UPF1: variants seen among roughly 807,000 people sequenced by gnomAD.
UPF1 encodes the protein regulator of nonsense transcripts 1.
In UPF1, 9 loss-of-function variants were observed where a neutral mutation model predicts 129.2. That is an observed-to-expected ratio of 0.07 (90% CI 0.04 to 0.12). UPF1 has a LOEUF of 0.12. UPF1 is among the 10% of genes least tolerant of loss of function. The pLI is 1.00. For missense variants in UPF1, 788 were observed against 1,525.3 expected (o/e 0.52, Z 8.05); for synonymous variants, 649 against 644.9 (o/e 1.01, Z -0.10).
intron 11 of UPF1, chr19:18,855,473 G>C (rs1271873672): frequency 6.6e-6 from 4 of 603,384 alleles, no homozygotes; most frequent in Admixed American, 6.1e-5. Flanking sequence ...GGGGGCAGGG[G>C]GGGCATGGCT....
At chr19:18,852,624 G>A (rs1319335081) in intron 6 of UPF1, among the ~76,000 whole-genome samples, 2 of 151,540 alleles carry the variant, frequency 1.3e-5, no homozygotes, top group Admixed American at 1.3e-4. Context: ...GCCCTGGAGC[G>A]CTGACCTCCC....
intron 1 of UPF1, among the ~76,000 whole-genome samples, chr19:18,835,226 C>G (rs2145929103): frequency 6.6e-6 from 1 of 152,296 alleles, no homozygotes; most frequent in Admixed American, 6.5e-5. Context: ...TCCTTTCACT[C>G]TGCGTGATGT....
intron 3 of UPF1, chr19:18,848,147 TG>T: frequency 3.1e-6 from 1 of 324,606 alleles, no homozygotes; most frequent in East Asian, 7.4e-5. Flanking sequence ...AACGGGAGGA[TG>T]TTCCCAAGGC....
In UPF1 at chr19:18,832,217, T is replaced by C; in HGVS notation, c.8T>C (p.Val3Ala). The change falls in exon 1 of 24, where the codon GTG (valine) becomes GCG (alanine). Residue 3 changes from valine to alanine, a missense_variant. Coordinates refer to ENST00000262803, the MANE Select transcript of UPF1 (RefSeq NM_002911.4). The surrounding 1 kb of genome is among the most constrained non-coding windows in gnomAD (Gnocchi z 5.6). The stretch of plus-strand genomic sequence containing the variant: ...GCCCTACCCGGAGGCACCATGAGCG[T>C]GGAGGCGTACGGGCCCAGCTCGCAG... MS[V>A]EAYGPSSQTL... 7 of 1,542,668 alleles carry C rather than the reference T, an allele frequency of 4.5e-6. No homozygotes were observed. The highest frequency in any genetic ancestry group is 6.1e-6 in the Non-Finnish European group (7 of 1,143,944).
rs536785242 is a variant in UPF1, at chr19:18,851,088, A to G, written c.810+220A>G. On this transcript the variant is annotated intron_variant, in intron 5 of 23. Transcript: ENST00000262803. The surrounding 1 kb of genome is among the most constrained non-coding windows in gnomAD (Gnocchi z 4.2). ...ACCGAGAAGATCCTGGCCTTGGGGA[A>G]AGGAAAGCTCTGGCTGCTGGAATTT... is the stretch of plus-strand genomic sequence containing the variant. 5.6e-5 allele frequency: 27 copies of G among 479,672 alleles called. No individual in the cohort carries two copies. In the South Asian group the frequency reaches 1.1e-3, roughly 19 times the overall value. 29.7% of individuals were successfully genotyped at this position (479,672 alleles called of 1,614,324 possible). A position where few individuals can be genotyped will look rare whatever the true frequency, so the allele number is the denominator to read the frequency against.
chr19:18,860,543 C>A, intron 16 of UPF1, 105 bp downstream of exon 16: 1 of 1,168,668 alleles, frequency 8.6e-7, no homozygotes, highest in South Asian at 1.3e-5. Context: ...CTTTTTTTGC[C>A]TTCATTTCCT....
chr19:18,864,106 G>A (rs543285891), intron 19 of UPF1, 64 bp from the exon 20 acceptor site: 11 of 1,476,426 alleles, frequency 7.5e-6, no homozygotes, highest in Non-Finnish European at 9.5e-6. Flanking sequence ...CAGGCCACCG[G>A]GCCCGTGGGA....
In UPF1 at chr19:18,856,000, G is replaced by A. The variant is rs1389861878; in HGVS notation, c.1620G>A (p.Lys540=). Reference sequence around the variant, plus strand: ...AGAAGATCCACCAGACGGGGCTAAAGGTCGTGCGCCTCTGCGCCAAGAGCC... The same window carrying A: ...AGAAGATCCACCAGACGGGGCTAAAAGTCGTGCGCCTCTGCGCCAAGAGCC... ...LTEKIHQTGL[K]VVRLCAKSRE... The change falls in exon 12 of 24, where the codon AAG becomes AAA. Residue 540 remains lysine (K), a synonymous_variant. Coordinates refer to ENST00000262803, the MANE Select transcript of UPF1 (RefSeq NM_002911.4). 6.2e-7 allele frequency: 1 copy of A among 1,614,010 alleles called. No homozygotes were observed. Among genetic ancestry groups the A allele is most frequent in the African/African-American group, 1.3e-5 (1 of 75,076 alleles).
At chr19:18,844,776 G>C in intron 1 of UPF1, among the ~76,000 whole-genome samples, 1 of 152,228 alleles carries the variant, frequency 6.6e-6, no homozygotes, top group East Asian at 1.9e-4. Context: ...GAACTTCTCT[G>C]TGCCAGGCAC....
In UPF1 at chr19:18,854,783, C is replaced by CTG; in HGVS notation, c.1265+77_1265+78dup. ...GCATCTTTATGAGCCCTCCCCGTCA[C>CTG]TGTGGAGTGGGGTTCCCCACCCAGC... On this transcript the variant is annotated intron_variant, in intron 9 of 23. Coordinates refer to ENST00000262803, the MANE Select transcript of UPF1 (RefSeq NM_002911.4). The CTG allele has an allele frequency of 2.5e-6, 4 of 1,605,692 alleles. No homozygotes were observed. The South Asian group carries it at 4.4e-5, about 18-fold the overall frequency.
rs763413453 is a variant in UPF1 at position 18,847,702 on chromosome 19, A to G, written c.372-42A>G. The G allele has an allele frequency of 2.1e-5, 33 of 1,590,370 alleles. No homozygotes were observed. The African/African-American group carries it at 3.9e-4, about 19-fold the overall frequency. On this transcript the variant is annotated intron_variant, in intron 2 of 23. Coordinates refer to ENST00000262803, the MANE Select transcript of UPF1 (RefSeq NM_002911.4). ...ACATCTTGCCAAATGAAAACCAGAGAGCAAGCTTCCAGCTGTAACTGTCGC... is the reference window on the plus strand; with the variant it reads ...ACATCTTGCCAAATGAAAACCAGAGGGCAAGCTTCCAGCTGTAACTGTCGC...
intron 2 of UPF1, among the ~76,000 whole-genome samples, chr19:18,846,859 G>T (rs1487311665): frequency 6.6e-6 from 1 of 152,144 alleles, no homozygotes; most frequent in South Asian, 2.1e-4. Flanking sequence ...GCATGGTGGC[G>T]GGCGCCTGTA....
rs2055432490 is a variant in UPF1 at position 18,832,185 on chromosome 19, C to T, written c.-25C>T. The T allele has an allele frequency of 1.3e-6, 2 of 1,519,320 alleles. No individual in the cohort carries two copies. The highest frequency in any genetic ancestry group is 1.8e-6 in the Non-Finnish European group (2 of 1,131,142). 94.1% of individuals were successfully genotyped at this position (1,519,320 alleles called of 1,614,324 possible). Reference sequence around the variant, plus strand: ...GGGCTCGAGTGCAGCGCGGAACCGGCCCGAGGGCCCTACCCGGAGGCACCA... The same window carrying T: ...GGGCTCGAGTGCAGCGCGGAACCGGTCCGAGGGCCCTACCCGGAGGCACCA... On this transcript the variant is annotated 5_prime_UTR_variant, in exon 1 of 24. Transcript: ENST00000262803. This position sits in a 1 kb window ranked among gnomAD's most constrained non-coding sequence, Gnocchi z 5.6.
rs940200834 is a variant in UPF1, at chr19:18,867,157, T to G, written c.*640T>G. The G allele has an allele frequency of 4.6e-5, 7 of 152,474 alleles. No individual in the cohort carries two copies. The highest frequency in any genetic ancestry group is 3.3e-4 in the Admixed American group (5 of 15,290). The allele number at this position is 152,474 out of a possible 1,614,324, so 9.4% of individuals were successfully genotyped here. On this transcript the variant is annotated 3_prime_UTR_variant, in exon 24 of 24. Transcript: ENST00000262803. The stretch of plus-strand genomic sequence containing the variant: ...AATCTTAGCGGTGGACCTGGGAGAT[T>G]TGAGAAGCTTCCAGAAACAGTTTAA...
rs947655445 is a variant in UPF1, at chr19:18,832,661, G to A, written c.231+221G>A. Among the ~76,000 whole-genome samples, 117 of 152,264 alleles carry A rather than the reference G, an allele frequency of 7.7e-4. No individual in the cohort carries two copies. Among genetic ancestry groups the A allele is most frequent in the African/African-American group, 2.7e-3 (113 of 41,562 alleles). On this transcript the variant is annotated intron_variant, in intron 1 of 23. Coordinates refer to ENST00000262803, the MANE Select transcript of UPF1 (RefSeq NM_002911.4). The surrounding 1 kb of genome is among the most constrained non-coding windows in gnomAD (Gnocchi z 5.6). ...TGGCCTGATCTGCCCCGGGTCCCCCGCTCCGGCCGCGACCTGGCTGAGTTC... is the reference window on the plus strand; with the variant it reads ...TGGCCTGATCTGCCCCGGGTCCCCCACTCCGGCCGCGACCTGGCTGAGTTC...
Position 18,852,446 on chromosome 19 carries a change from GCCTGGCAGC to G in UPF1, c.972+153_972+161del, listed in dbSNP as rs530830456. The stretch of plus-strand genomic sequence containing the variant: ...TGAGAGTTGGAACTTGCGGATCCGG[GCCTGGCAGC>G]CCGGTGGTCTGAGCCCCCGCCCTCA... On this transcript the variant is annotated intron_variant, in intron 6 of 23. Transcript: ENST00000262803. 2.6e-5 allele frequency: 31 copies of G among 1,177,976 alleles called. 1 individual carries two copies. The South Asian group carries it at 4.6e-4, about 17-fold the overall frequency. 73.0% of individuals were successfully genotyped at this position (1,177,976 alleles called of 1,614,324 possible).
Position 18,861,943 on chromosome 19 carries a change from T to A in UPF1, c.2458-67T>A. ...ATTTGAGGGTGGGTCTTGGTGTGTT[T>A]CCTGCATTTTGGGGGGACTGGGAAG... On this transcript the variant is annotated intron_variant, in intron 17 of 23. Coordinates refer to ENST00000262803, the MANE Select transcript of UPF1 (RefSeq NM_002911.4). The A allele has an allele frequency of 2.5e-6, 4 of 1,586,066 alleles. No homozygotes were observed. In the South Asian group the frequency reaches 3.4e-5, roughly 14 times the overall value.
intron 1 of UPF1, among the ~76,000 whole-genome samples, chr19:18,840,160 A>G (rs996216561): frequency 1.3e-5 from 2 of 151,844 alleles, no homozygotes; most frequent in Admixed American, 1.3e-4. Context: ...CCCAGGTTGG[A>G]CCCCGAATGG....
At chr19:18,843,749 G>GT (rs71336699) in intron 1 of UPF1, among the ~76,000 whole-genome samples, 4,176 of 148,454 alleles carry the variant, frequency 0.028, 72 homozygotes, top group Non-Finnish European at 0.041. Context: ...GTGTGTGTGT[G>GT]TGTTGTTGTT....
Sources: gnomAD v4.1 joint callset for allele counts (sites outside exome capture counted in the v4.1 genomes callset) on GRCh38, gnomAD v4.1.1 for gene constraint, Gnocchi (gnomAD v3.1) non-coding constraint, MANE v1.5 for transcripts, NCBI Gene and HGNC (gene_info 2026-07-23, HGNC 2026-07-21) for gene names.